ECPAS: variants seen among roughly 807,000 people sequenced by gnomAD.
ECPAS encodes the protein proteasome adapter and scaffold protein ECM29.
Under a neutral mutation model 255.1 loss-of-function variants are expected in ECPAS, and 70 were observed. The observed-to-expected ratio is 0.27, with a 90% confidence interval of 0.23 to 0.33. ECPAS has a LOEUF of 0.33. ECPAS is among the 10% of genes least tolerant of loss of function. ECPAS has a pLI of 1.00. For synonymous variants in ECPAS, 784 were observed against 775.0 expected (o/e 1.01, Z -0.19); for missense variants, 1,817 against 2,206.4 (o/e 0.82, Z 3.54).
At chr9:111,425,244 CA>C (rs984054407) in intron 12 of ECPAS, among the ~76,000 whole-genome samples, 173 bp downstream of exon 12, 5 of 150,874 alleles carry the variant, frequency 3.3e-5, no homozygotes, top group Admixed American at 2.6e-4. Context: ...TATTTCCCCC[CA>C]AAAAAGCAAA....
chr9:111,367,969 G>C (rs2098122469), intron 46 of ECPAS, among the ~76,000 whole-genome samples: 1 of 150,826 alleles, frequency 6.6e-6, no homozygotes, highest in South Asian at 2.1e-4. Flanking sequence ...TTGAGCCCAG[G>C]AGGTAAAGGC....
At chr9:111,419,959 A>T in intron 16 of ECPAS, 58 bp downstream of exon 16, 1 of 1,232,658 alleles carries the variant, frequency 8.1e-7, no homozygotes, top group South Asian at 1.2e-5. Flanking sequence ...AACTTTTAGT[A>T]ATTTTCAAAT....
intron 2 of ECPAS, among the ~76,000 whole-genome samples, chr9:111,457,459 C>T (rs1443608301): frequency 6.6e-6 from 1 of 152,066 alleles, no homozygotes; most frequent in Non-Finnish European, 1.5e-5. Flanking sequence ...GAGGAATTAC[C>T]TTAGATAGGA....
In ECPAS at chr9:111,417,863, C is replaced by A; in HGVS notation, c.1683+20G>T. 1 of 1,538,270 alleles carries A rather than the reference C, an allele frequency of 6.5e-7. No individual in the cohort carries two copies. The highest frequency in any genetic ancestry group is 8.8e-7 in the Non-Finnish European group (1 of 1,142,834). ...CATCCATTATGATTTAGACTAATTA[C>A]CTTAAGTTGCATGCCATACCTTTTC... On this transcript the variant is annotated intron_variant, in intron 17 of 49. Transcript: ENST00000684092.
chr9:111,389,898 C>G (rs1158399973), intron 30 of ECPAS, 86 bp downstream of exon 30: 1 of 1,154,088 alleles, frequency 8.7e-7, no homozygotes, highest in African/African-American at 1.5e-5. Flanking sequence ...ACAAAATGCA[C>G]TACATACCAT....
chr9:111,464,042 G>A (rs1343525845), intron 2 of ECPAS, among the ~76,000 whole-genome samples: 1 of 152,144 alleles, frequency 6.6e-6, no homozygotes, highest in Non-Finnish European at 1.5e-5. Flanking sequence ...TAAATTAACA[G>A]TGATAGTTGA....
At chr9:111,418,425 CTAA>C (rs139160319) in intron 16 of ECPAS, among the ~76,000 whole-genome samples, 8,442 of 152,200 alleles carry the variant, frequency 0.055, 560 homozygotes, top group African/African-American at 0.15. Flanking sequence ...TTCTGTACAA[CTAA>C]TAACTCATAA....
At position 111,418,176 on chromosome 9, in the gene ECPAS, T is replaced by C. The variant is rs141343910; in HGVS notation, c.1560-170A>G. On this transcript the variant is annotated intron_variant, in intron 16 of 49. Transcript: ENST00000684092. ...AACATAACACATTATAAGAAATCAC[T>C]TCTTTTCAGAAATTGCATGAGGTCC... Among the ~76,000 whole-genome samples, 4 of 152,346 alleles carry C rather than the reference T, an allele frequency of 2.6e-5. 1 individual carries two copies. Among genetic ancestry groups the C allele is most frequent in the South Asian group, 4.1e-4 (2 of 4,834 alleles).
Position 111,374,050 on chromosome 9 carries a change from C to CA in ECPAS, c.4111-13dup. 1 of 1,608,146 alleles carries CA rather than the reference C, an allele frequency of 6.2e-7. No individual in the cohort carries two copies. The highest frequency in any genetic ancestry group is 8.5e-7 in the Non-Finnish European group (1 of 1,174,788). ...CTGGCACAGCCACCCTACAGGGTTA[C>CA]AAAAGCAAAGGTCTAAATCTGATGG... is the stretch of plus-strand genomic sequence containing the variant. On this transcript the variant is annotated splice_polypyrimidine_tract_variant and intron_variant, in intron 38 of 49. Transcript: ENST00000684092.
At chr9:111,384,319 G>C (rs559058884) in intron 34 of ECPAS, among the ~76,000 whole-genome samples, 1 of 152,194 alleles carries the variant, frequency 6.6e-6, no homozygotes, top group Non-Finnish European at 1.5e-5. Context: ...CATTTAAAGA[G>C]ACCACAGTAT....
At chr9:111,463,142 T>C (rs946165006) in intron 2 of ECPAS, among the ~76,000 whole-genome samples, 16 of 152,214 alleles carry the variant, frequency 1.1e-4, no homozygotes, top group African/African-American at 3.6e-4. Context: ...ACTTAGACCA[T>C]GCCTCAGTCA....
At chr9:111,366,086 C>T in intron 48 of ECPAS, 153 bp downstream of exon 48, 6 of 532,072 alleles carry the variant, frequency 1.1e-5, no homozygotes, top group South Asian at 3.0e-5. Context: ...TTAAATATTC[C>T]AGTTAAGGGG....
chr9:111,410,857 T>A, intron 22 of ECPAS, 123 bp downstream of exon 22: 1 of 1,059,214 alleles, frequency 9.4e-7, no homozygotes, highest in Non-Finnish European at 1.4e-6. Context: ...TCAAGTAAGT[T>A]TTTTGTGAAA....
intron 8 of ECPAS, 140 bp from the exon 9 acceptor site, chr9:111,430,768 A>G: frequency 1.5e-6 from 1 of 670,624 alleles, no homozygotes; most frequent in Non-Finnish European, 2.7e-6. Flanking sequence ...GACATTGTAG[A>G]AGAGAAGGAA....
Position 111,414,447 on chromosome 9 carries a change from G to A in ECPAS, c.1969C>T (p.Leu657=), listed in dbSNP as rs1170055959. The A allele has an allele frequency of 6.2e-7, 1 of 1,613,698 alleles. No individual in the cohort carries two copies. Among genetic ancestry groups the A allele is most frequent in the Non-Finnish European group, 8.5e-7 (1 of 1,179,720 alleles). Residue 657 remains leucine, a synonymous_variant, in exon 19 of 50, where the codon CTG becomes TTG. Coordinates refer to ENST00000684092, the MANE Select transcript of ECPAS (RefSeq NM_001364929.1). ...VQIYIGLLQQ[L]LAGVGGLPVM... ...TTCCTACCTCCAACACCTGCTAACA[G>A]CTGCTGAAGCAGGCCAATGTAGATC...
intron 18 of ECPAS, among the ~76,000 whole-genome samples, chr9:111,415,496 T>C (rs1386443899): frequency 6.6e-6 from 1 of 151,898 alleles, no homozygotes; most frequent in Non-Finnish European, 1.5e-5. Flanking sequence ...GCTCAGGAGT[T>C]CAAGACCAGC....
At chr9:111,433,747 T>C (rs1589192837) in intron 7 of ECPAS, among the ~76,000 whole-genome samples, 1 of 152,140 alleles carries the variant, frequency 6.6e-6, no homozygotes, top group East Asian at 1.9e-4. Context: ...TGATGAAGTC[T>C]TGAAGTCCAA....
At chr9:111,411,265 T>C (rs2098193894) in intron 21 of ECPAS, 123 bp from the exon 22 acceptor site, 1 of 1,020,916 alleles carries the variant, frequency 9.8e-7, no homozygotes, top group Admixed American at 2.2e-5. Context: ...AAGAATAAAG[T>C]GAACACTCGA....
At chr9:111,454,325 C>T (rs950030930) in intron 2 of ECPAS, among the ~76,000 whole-genome samples, 2 of 151,606 alleles carry the variant, frequency 1.3e-5, no homozygotes, top group Non-Finnish European at 2.9e-5. Flanking sequence ...GGGTGGGGTG[C>T]GGCGGCAGGA....
Sources: allele counts gnomAD v4.1 joint callset (sites outside exome capture counted in the v4.1 genomes callset), GRCh38; gene constraint gnomAD v4.1.1; transcripts MANE v1.5; gene names NCBI Gene and HGNC (gene_info 2026-07-23, HGNC 2026-07-21).